Variants in RB1 observed in about 807,000 individuals in gnomAD.
The protein encoded by RB1 is RB transcriptional corepressor 1.
In RB1, 18 loss-of-function variants were observed where a neutral mutation model predicts 135.4. The observed-to-expected ratio is 0.13, with a 90% CI of 0.09 to 0.20. The LOEUF (loss-of-function observed/expected upper bound fraction) is 0.20. Ranked by LOEUF, RB1 falls within the 10% of genes least tolerant of loss-of-function variation. RB1 has a pLI of 1.00. For missense variants in RB1, 868 were observed against 1,110.0 expected (o/e 0.78, Z 3.10); for synonymous variants, 365 against 373.2 (o/e 0.98, Z 0.25).
At chr13:48,318,675 G>C in intron 2 of RB1, 1 of 613,298 alleles carries the variant, frequency 1.6e-6, no homozygotes, top group Non-Finnish European at 3.0e-6. Flanking sequence ...GGGCGTGGAC[G>C]GCCTCATGGC....
chr13:48,321,159 G>A (rs1404386125), intron 2 of RB1, among the ~76,000 whole-genome samples: 3 of 152,006 alleles, frequency 2.0e-5, no homozygotes, highest in East Asian at 1.9e-4. Flanking sequence ...TGCGTCCCGC[G>A]TCCCGCATCC....
chr13:48,303,874 T>C lies in RB1; in HGVS notation c.-39T>C, dbSNP rs2138026762. ...GCGCGCGCGTCGTCCTCCCCGGCGC[T>C]CCTCCACAGCTCGCTGGCTCCCGCC... On this transcript the variant is annotated 5_prime_UTR_variant, in exon 1 of 27. Coordinates refer to ENST00000267163, the MANE Select transcript of RB1 (RefSeq NM_000321.3). The C allele has an allele frequency of 1.3e-6, 2 of 1,510,262 alleles. No individual in the cohort carries two copies. Among genetic ancestry groups the C allele is most frequent in the Admixed American group, 2.0e-5 (1 of 48,820 alleles). The allele number at this position is 1,510,262 out of a possible 1,614,324, so 93.6% of individuals were successfully genotyped here.
At chr13:48,329,467 T>C (rs997998841) in intron 2 of RB1, among the ~76,000 whole-genome samples, 1 of 152,238 alleles carries the variant, frequency 6.6e-6, no homozygotes, top group Non-Finnish European at 1.5e-5. Context: ...GCGTTGAATT[T>C]TAGCAAAGGT....
chr13:48,371,833 C>T (rs560857270), intron 11 of RB1, among the ~76,000 whole-genome samples: 5 of 152,194 alleles, frequency 3.3e-5, no homozygotes, highest in Admixed American at 1.3e-4. Flanking sequence ...TGTCCCATTA[C>T]GAACTGGGTG....
At chr13:48,431,882 C>T (rs1386240156) in intron 17 of RB1, among the ~76,000 whole-genome samples, 1 of 152,126 alleles carries the variant, frequency 6.6e-6, no homozygotes, top group Non-Finnish European at 1.5e-5. Context: ...TCTGGGTCAA[C>T]TGATACTTAT....
rs779019316 is a variant in RB1 at position 48,376,953 on chromosome 13, A to G, written c.1251A>G (p.Lys417=). ...CTVNPKESIL[K]RVKDIGYIFK... ...TGAATCCAAAAGAAAGTATACTGAA[A>G]AGAGTGAAGGATATAGGATACATCT... The change falls in exon 13 of 27, where the codon AAA becomes AAG. Residue 417 remains lysine (K), a synonymous_variant. Transcript: ENST00000267163. The G allele has an allele frequency of 6.2e-7, 1 of 1,613,836 alleles. No homozygotes were observed. The highest frequency in any genetic ancestry group is 8.5e-7 in the Non-Finnish European group (1 of 1,179,876).
intron 17 of RB1, chr13:48,422,564 A>G (rs1458383314): frequency 2.0e-5 from 3 of 152,164 alleles, no homozygotes; most frequent in African/African-American, 2.4e-5. Flanking sequence ...TGTTGCCATA[A>G]TGACCTTGTA....
chr13:48,465,400 G>T, intron 23 of RB1, 32 bp downstream of exon 23: 1 of 1,531,094 alleles, frequency 6.5e-7, no homozygotes, highest in South Asian at 1.1e-5. Context: ...AAGTAGTAAA[G>T]AATGAGAGGG....
intron 6 of RB1, among the ~76,000 whole-genome samples, chr13:48,357,778 AGAT>A (rs1271965300): frequency 1.2e-4 from 18 of 152,240 alleles, no homozygotes; most frequent in African/African-American, 3.6e-4. Context: ...AGAGAGGGTA[AGAT>A]GATGATCAGG....
At chr13:48,478,756 T>C (rs907325589) in intron 26 of RB1, among the ~76,000 whole-genome samples, 2 of 152,180 alleles carry the variant, frequency 1.3e-5, no homozygotes, top group Admixed American at 6.5e-5. Flanking sequence ...GAATTACATT[T>C]AGAAAAGATC....
intron 4 of RB1, 115 bp downstream of exon 4, chr13:48,345,314 C>A: frequency 1.6e-6 from 2 of 1,222,874 alleles, no homozygotes; most frequent in Non-Finnish European, 1.2e-6. Flanking sequence ...AATTCTTAGA[C>A]TTGTCCCTTT....
chr13:48,457,601 A>G (rs1192767321), intron 19 of RB1, among the ~76,000 whole-genome samples: 1 of 152,140 alleles, frequency 6.6e-6, no homozygotes, highest in Non-Finnish European at 1.5e-5. Flanking sequence ...ACTGCTCAGG[A>G]GCCCATCTGC....
chr13:48,421,834 G>C (rs7984036), intron 17 of RB1, among the ~76,000 whole-genome samples: 1 of 152,122 alleles, frequency 6.6e-6, no homozygotes, highest in Non-Finnish European at 1.5e-5. Context: ...TCTCATGGCC[G>C]TTAGAATGGC....
intron 17 of RB1, among the ~76,000 whole-genome samples, chr13:48,398,454 T>A (rs535714573): frequency 6.6e-5 from 10 of 152,224 alleles, no homozygotes; most frequent in Admixed American, 1.3e-4. Context: ...TTTCAAATCA[T>A]CTGGGCTTAA....
chr13:48,400,576 C>G (rs1409779380), intron 17 of RB1, among the ~76,000 whole-genome samples: 1 of 152,102 alleles, frequency 6.6e-6, no homozygotes, highest in Non-Finnish European at 1.5e-5. Context: ...ATTAGCGGAT[C>G]TTACTTAATA....
intron 19 of RB1, among the ~76,000 whole-genome samples, chr13:48,457,648 G>A (rs535802833): frequency 4.6e-5 from 7 of 152,374 alleles, no homozygotes; most frequent in African/African-American, 1.7e-4. Flanking sequence ...GGCACCTGTA[G>A]GCCAGTGCCA....
rs552589600 is a variant in RB1 at position 48,476,529 on chromosome 13, A to T, written c.2521-172A>T. 3 of 641,018 alleles carry T rather than the reference A, an allele frequency of 4.7e-6. No individual in the cohort carries two copies. In the African/African-American group the frequency reaches 5.5e-5, roughly 12 times the overall value. The allele number at this position is 641,018 out of a possible 1,614,324, so 39.7% of individuals were successfully genotyped here. A position where few individuals can be genotyped will look rare whatever the true frequency, so the allele number is the denominator to read the frequency against. The stretch of plus-strand genomic sequence containing the variant: ...TAATTGGGGATGGAATTAGGTAGTT[A>T]TTCTGATTTTTAGATTTTTCATATC... On this transcript the variant is annotated intron_variant, in intron 24 of 26. Transcript: ENST00000267163.
chr13:48,450,362 G>A (rs921288613), intron 17 of RB1, among the ~76,000 whole-genome samples: 1 of 151,918 alleles, frequency 6.6e-6, no homozygotes, highest in Non-Finnish European at 1.5e-5. Flanking sequence ...CCAATTCTCC[G>A]AGGACCATTT....
At chr13:48,477,499 G>A (rs1488265119) in intron 26 of RB1, 95 bp downstream of exon 26, 1 of 1,038,482 alleles carries the variant, frequency 9.6e-7, no homozygotes, top group African/African-American at 1.6e-5. Context: ...AATTTCTTCA[G>A]TTGGCAGGTT....
Sources: allele counts gnomAD v4.1 joint callset (sites outside exome capture counted in the v4.1 genomes callset), GRCh38; gene constraint gnomAD v4.1.1; transcripts MANE v1.5; gene names NCBI Gene and HGNC (gene_info 2026-07-23, HGNC 2026-07-21).